PRKD3: variants seen among roughly 807,000 people sequenced by gnomAD.
PRKD3 encodes the protein protein kinase D3.
In PRKD3, 47 loss-of-function variants were observed where a neutral mutation model predicts 99.2. The ratio of observed to expected loss-of-function variants is 0.47; its 90% CI spans 0.38 to 0.60. PRKD3 has a LOEUF of 0.60. Among genes scored for constraint, PRKD3 ranks in the 20% least tolerant of loss-of-function variants. The pLI is 0.00. For synonymous variants in PRKD3, 392 were observed against 355.4 expected (o/e 1.10, Z -1.16); for missense variants, 1,019 against 1,088.4 (o/e 0.94, Z 0.90).
chr2:37,259,715 G>A, intron 15 of PRKD3, 34 bp from the exon 16 acceptor site: 1 of 1,471,632 alleles, frequency 6.8e-7, no homozygotes, highest in Non-Finnish European at 9.5e-7. Context: ...TTCAATGTCT[G>A]GAAAATCACA....
At chr2:37,283,574 G>A (rs1669953257) in intron 6 of PRKD3, among the ~76,000 whole-genome samples, 1 of 152,128 alleles carries the variant, frequency 6.6e-6, no homozygotes, top group South Asian at 2.1e-4. Flanking sequence ...TGTTAAGACA[G>A]GCCCTAGGGA....
intron 7 of PRKD3, among the ~76,000 whole-genome samples, chr2:37,280,925 A>T (rs571028771): frequency 1.3e-5 from 2 of 152,348 alleles, no homozygotes; most frequent in East Asian, 3.9e-4. Context: ...TAAACAGATA[A>T]GTAACCTAAA....
chr2:37,291,148 T>C, intron 3 of PRKD3, 149 bp from the exon 4 acceptor site: 1 of 712,994 alleles, frequency 1.4e-6, no homozygotes, highest in Non-Finnish European at 2.1e-6. Flanking sequence ...TTTAATATTG[T>C]GATTTCAAAC....
intron 1 of PRKD3, among the ~76,000 whole-genome samples, chr2:37,321,934 G>A (rs1194000535): frequency 6.6e-6 from 1 of 152,106 alleles, no homozygotes; most frequent in East Asian, 1.9e-4. Flanking sequence ...CATTCTTTTT[G>A]TACAATACTC....
intron 16 of PRKD3, 62 bp from the exon 17 acceptor site, chr2:37,256,991 C>T (rs1353920560): frequency 6.6e-7 from 1 of 1,524,308 alleles, no homozygotes; most frequent in Non-Finnish European, 9.0e-7. Context: ...CTACCTGTCC[C>T]TAAATATAAC....
chr2:37,299,521 C>T (rs1392437730), intron 2 of PRKD3, among the ~76,000 whole-genome samples: 1 of 62,856 alleles, frequency 1.6e-5, no homozygotes, highest in Non-Finnish European at 4.5e-5. Flanking sequence ...TACACACACA[C>T]ACACACACAC....
chr2:37,254,327 T>G, intron 17 of PRKD3, 38 bp from the exon 18 acceptor site: 1 of 1,523,978 alleles, frequency 6.6e-7, no homozygotes. Flanking sequence ...TGAATTTGGG[T>G]GCACAGAGTA....
chr2:37,283,806 G>A (rs1249680616), intron 6 of PRKD3, among the ~76,000 whole-genome samples: 1 of 150,124 alleles, frequency 6.7e-6, no homozygotes, highest in Non-Finnish European at 1.5e-5. Context: ...GGCCAACGTG[G>A]CAAAACCCTG....
In PRKD3 at chr2:37,272,328, T is replaced by G. The variant is rs561171774; in HGVS notation, c.1704+52A>C. ...CTCTAATAAAGATTTTCACCTTTTA[T>G]TTTCCTTATTTTAATCACCCAGTTT... On this transcript the variant is annotated intron_variant, in intron 12 of 18. Transcript: ENST00000234179. 9.4e-5 allele frequency: 150 copies of G among 1,587,466 alleles called. 2 individuals are homozygous for G. The South Asian group carries it at 1.7e-3, about 18-fold the overall frequency.
Position 37,316,537 on chromosome 2 carries a change from A to T in PRKD3, c.-13T>A. On this transcript the variant is annotated 5_prime_UTR_variant, in exon 2 of 19. Transcript: ENST00000234179. ...TATTTGCAGACATCTGCCTTTCTTT[A>T]ATCTTTTAAAATAGTTGTCGATTCT... 6.2e-7 allele frequency: 1 copy of T among 1,601,010 alleles called. No homozygotes were observed. Among genetic ancestry groups the T allele is most frequent in the Non-Finnish European group, 8.5e-7 (1 of 1,174,022 alleles).
At chr2:37,320,336 G>A (rs1301072438) in intron 1 of PRKD3, among the ~76,000 whole-genome samples, 1 of 150,348 alleles carries the variant, frequency 6.7e-6, no homozygotes, top group Admixed American at 6.6e-5. Flanking sequence ...GCTCCACAAC[G>A]TATCTGACTT....
rs571843722 is a variant in PRKD3 at position 37,254,420 on chromosome 2, C to G, written c.2414-131G>C. 6.1e-5 allele frequency: 40 copies of G among 653,792 alleles called. No individual in the cohort carries two copies. In the South Asian group the frequency reaches 6.9e-4, roughly 11 times the overall value. 40.5% of individuals were successfully genotyped at this position (653,792 alleles called of 1,614,324 possible). On this transcript the variant is annotated intron_variant, in intron 17 of 18. Coordinates refer to ENST00000234179, the MANE Select transcript of PRKD3 (RefSeq NM_005813.6). The stretch of plus-strand genomic sequence containing the variant: ...AATTTTTGCTTCTCAAGGACGTGGA[C>G]TTTTAGCTAACATGTAAAATGAATC...
rs1300103815 is a variant in PRKD3 at position 37,251,171 on chromosome 2, C to CT, written c.*2005dup. On this transcript the variant is annotated 3_prime_UTR_variant, in exon 19 of 19. Coordinates refer to ENST00000234179, the MANE Select transcript of PRKD3 (RefSeq NM_005813.6). ...TTTGGTGAAACTGGGAAGTCATCCT[C>CT]TATCACAGGGAAAATAACATTTCTA... is the stretch of plus-strand genomic sequence containing the variant. 4 of 152,492 alleles carry CT rather than the reference C, an allele frequency of 2.6e-5. No homozygotes were observed. Among genetic ancestry groups the CT allele is most frequent in the Non-Finnish European group, 5.9e-5 (4 of 68,014 alleles). The allele number at this position is 152,492 out of a possible 1,614,324, so 9.4% of individuals were successfully genotyped here.
intron 2 of PRKD3, 59 bp from the exon 3 acceptor site, chr2:37,293,330 G>T: frequency 1.4e-6 from 2 of 1,409,490 alleles, no homozygotes; most frequent in Non-Finnish European, 1.9e-6. Flanking sequence ...ATAAGTAAAC[G>T]TTTCAATTTT....
chr2:37,258,781 G>C (rs1469754468), intron 16 of PRKD3, among the ~76,000 whole-genome samples: 1 of 152,098 alleles, frequency 6.6e-6, no homozygotes, highest in Non-Finnish European at 1.5e-5. Flanking sequence ...TATTTGAAAA[G>C]ACAATTTGAG....
intron 10 of PRKD3, among the ~76,000 whole-genome samples, chr2:37,275,160 A>G (rs1669502219): frequency 1.3e-5 from 2 of 151,938 alleles, no homozygotes; most frequent in East Asian, 3.9e-4. Context: ...ACCTGTAGCA[A>G]TCATTATATT....
At chr2:37,268,303 C>T (rs780075586) in intron 13 of PRKD3, 31 of 470,942 alleles carry the variant, frequency 6.6e-5, no homozygotes, top group Middle Eastern at 3.3e-4. Context: ...AAAGGTACCT[C>T]GGACAGTTCT....
chr2:37,322,106 G>A (rs1406692831), intron 1 of PRKD3, among the ~76,000 whole-genome samples: 1 of 152,134 alleles, frequency 6.6e-6, no homozygotes, highest in Admixed American at 6.5e-5. Context: ...CTCTTGACAT[G>A]TATTAATATT....
In PRKD3 at chr2:37,267,344, C is replaced by CT. The variant is rs1166828010; in HGVS notation, c.1884+85dup. The CT allele has an allele frequency of 6.3e-4, 567 of 900,156 alleles. 2 individuals carry two copies. The African/African-American group carries it at 9.6e-3, about 15-fold the overall frequency. 55.8% of individuals were successfully genotyped at this position (900,156 alleles called of 1,614,324 possible). The stretch of plus-strand genomic sequence containing the variant: ...TATTACCATAATCTAATTTTGCCTT[C>CT]TTAAAAAAAAAAAAAAAAGAGAAGC... On this transcript the variant is annotated intron_variant, in intron 14 of 18. Transcript: ENST00000234179.
Sources: gnomAD v4.1 joint callset for allele counts (sites outside exome capture counted in the v4.1 genomes callset) on GRCh38, gnomAD v4.1.1 for gene constraint, MANE v1.5 for transcripts, NCBI Gene and HGNC (gene_info 2026-07-23, HGNC 2026-07-21) for gene names.